KCNQ2: variants seen among roughly 807,000 people sequenced by gnomAD.
KCNQ2 encodes the protein potassium voltage-gated channel subfamily Q member 2.
In KCNQ2, 14 loss-of-function variants were observed where a neutral mutation model predicts 84.8. That is an observed-to-expected ratio of 0.17 (90% CI 0.11 to 0.26). The LOEUF is 0.26. KCNQ2 is among the 10% of genes least tolerant of loss of function. The probability of loss-of-function intolerance (pLI) is 1.00; values close to 1 mark genes in which losing one functional copy is unlikely to be tolerated. For synonymous variants in KCNQ2, 599 were observed against 554.1 expected (o/e 1.08, Z -1.14); for missense variants, 788 against 1,254.0 (o/e 0.63, Z 5.61).
At chr20:63,424,228 A>G (rs1374992026) in intron 10 of KCNQ2, 22 bp from the exon 11 acceptor site, 4 of 1,553,062 alleles carry the variant, frequency 2.6e-6, no homozygotes, top group Non-Finnish European at 3.5e-6. Flanking sequence ...AGCAACAGAG[A>G]GTTAGTGGCC....
At chr20:63,450,440 A>C (rs539587829) in intron 1 of KCNQ2, among the ~76,000 whole-genome samples, 1,141 of 100,584 alleles carry the variant, frequency 0.011, 9 homozygotes, top group Middle Eastern at 0.057. Context: ...CAGGTGTGGG[A>C]CGCTGTGGCT....
At position 63,404,957 on chromosome 20, in the gene KCNQ2, A is replaced by T. The variant is rs1011155343; in HGVS notation, c.*1687T>A. 14 of 152,290 alleles carry T rather than the reference A, an allele frequency of 9.2e-5. No homozygotes were observed. Among genetic ancestry groups the T allele is most frequent in the African/African-American group, 3.4e-4 (14 of 41,458 alleles). 9.4% of individuals were successfully genotyped at this position (152,290 alleles called of 1,614,324 possible). A position where few individuals can be genotyped will look rare whatever the true frequency, so the allele number is the denominator to read the frequency against. ...GGAGTGCCCTGGCCGGGCTGGGGGT[A>T]GGCAGAGAGGCCAGGGCAGCAGCTC... On this transcript the variant is annotated 3_prime_UTR_variant, in exon 17 of 17. Coordinates refer to ENST00000359125, the MANE Select transcript of KCNQ2 (RefSeq NM_172107.4).
At chr20:63,411,998 A>G (rs2080133945) in intron 15 of KCNQ2, 3 of 641,626 alleles carry the variant, frequency 4.7e-6, no homozygotes, top group Non-Finnish European at 5.7e-6. Context: ...CCGTCGAAAC[A>G]GGTGCTCTCC....
At chr20:63,433,471 C>T (rs2080891097) in intron 8 of KCNQ2, 3 of 534,206 alleles carry the variant, frequency 5.6e-6, no homozygotes, top group South Asian at 4.4e-5. Flanking sequence ...CAGAGCAGCC[C>T]GGGGAGCAGC....
intron 11 of KCNQ2, chr20:63,422,298 C>G (rs1448710122): frequency 6.5e-6 from 1 of 152,730 alleles, no homozygotes; most frequent in Non-Finnish European, 1.5e-5. Flanking sequence ...GCTGCGGCTG[C>G]CCCAGGCCAG....
chr20:63,451,407 GCAACACTGAC>G (rs1435845280), intron 1 of KCNQ2, among the ~76,000 whole-genome samples: 1 of 152,134 alleles, frequency 6.6e-6, no homozygotes, highest in African/African-American at 2.4e-5. Flanking sequence ...TATACGGTCT[GCAACACTGAC>G]CAACATGGAG....
In KCNQ2 at chr20:63,442,454, C is replaced by T. The variant is rs762617583; in HGVS notation, c.768G>A (p.Gly256=). Residue 256 remains glycine, a synonymous_variant, in exon 5 of 17, where the codon GGG becomes GGA. Coordinates refer to ENST00000359125, the MANE Select transcript of KCNQ2 (RefSeq NM_172107.4). ...CGTAGGTGTCAAAGTGGTCGTTCTC[C>T]CCCTTCTCTGCCAAGTACACCAGGA... ...ASFLVYLAEK[G]ENDHFDTYAD... 1.2e-6 allele frequency: 2 copies of T among 1,613,814 alleles called. No homozygotes were observed. The highest frequency in any genetic ancestry group is 2.2e-5 in the East Asian group (1 of 44,874).
At position 63,456,810 on chromosome 20, in the gene KCNQ2, G is replaced by A. The variant is rs560671440; in HGVS notation, c.297-9973C>T. ...TGCAGGGGGTCCTGGGGGGTCCCACGCAGCCTCCTTAGGCAGAAATTCCCT... is the reference window on the plus strand; with the variant it reads ...TGCAGGGGGTCCTGGGGGGTCCCACACAGCCTCCTTAGGCAGAAATTCCCT... On this transcript the variant is annotated intron_variant, in intron 1 of 16. Coordinates refer to ENST00000359125, the MANE Select transcript of KCNQ2 (RefSeq NM_172107.4). 6.6e-5 allele frequency among the ~76,000 whole-genome samples: 10 copies of A among 152,296 alleles called. No homozygotes were observed. The East Asian group carries it at 1.9e-3, about 29-fold the overall frequency.
At chr20:63,429,762 G>A (rs887308036) in intron 9 of KCNQ2, among the ~76,000 whole-genome samples, 3 of 152,150 alleles carry the variant, frequency 2.0e-5, no homozygotes. Context: ...CCTCCCTCCA[G>A]AGCTGTCCAG....
intron 15 of KCNQ2, among the ~76,000 whole-genome samples, chr20:63,410,427 C>T (rs1304850096): frequency 2.6e-5 from 4 of 152,186 alleles, no homozygotes; most frequent in Non-Finnish European, 5.9e-5. Flanking sequence ...CAACTGTCTC[C>T]CTGGCCCCCT....
intron 1 of KCNQ2, among the ~76,000 whole-genome samples, chr20:63,457,292 C>T (rs1294114823): frequency 2.0e-5 from 3 of 152,238 alleles, no homozygotes; most frequent in Non-Finnish European, 2.9e-5. Context: ...CACCCTCATT[C>T]GGAGCTTCCG....
rs200395340 is a variant in KCNQ2 at position 63,433,862 on chromosome 20, G to A, written c.1065C>T (p.Asp355=). The change falls in exon 8 of 17, where the codon GAC becomes GAT. Residue 355 remains aspartate (D), a synonymous_variant. Coordinates refer to ENST00000359125, the MANE Select transcript of KCNQ2 (RefSeq NM_172107.4). The part of the protein sequence containing the change: ...RFYATNLSRT[D]LHSTWQYYER... The stretch of plus-strand genomic sequence containing the variant: ...CGTAGTACTGCCACGTGGAGTGCAG[G>A]TCTGTGCGCGAGAGGTTGGTGGCGT... The A allele has an allele frequency of 6.8e-4, 1,100 of 1,613,944 alleles. 5 individuals carry two copies. The highest frequency in any genetic ancestry group is 2.7e-4 in the East Asian group (12 of 44,878).
At chr20:63,412,085 C>T (rs2080136686) in intron 15 of KCNQ2, 1 of 540,950 alleles carries the variant, frequency 1.8e-6, no homozygotes, top group Admixed American at 3.4e-5. Context: ...AAGCTTTTGA[C>T]TCGGGAGCGG....
In KCNQ2 at chr20:63,438,903, C is replaced by A. The variant is rs2145714632; in HGVS notation, c.928-183G>T. On this transcript the variant is annotated intron_variant, in intron 6 of 16. Transcript: ENST00000359125. This position sits in a 1 kb window ranked among gnomAD's most constrained non-coding sequence, Gnocchi z 5.1. ...ACGCCCCAGGGACTCACACACCCCC[C>A]AGTTCATCAGGGTCAGACCCGTCTC... Among the ~76,000 whole-genome samples, 1 of 151,886 alleles carries A rather than the reference C, an allele frequency of 6.6e-6. No individual in the cohort carries two copies. Among genetic ancestry groups the A allele is most frequent in the Admixed American group, 6.6e-5 (1 of 15,254 alleles).
chr20:63,401,960 CGG>C lies in KCNQ2; in HGVS notation c.*4682_*4683del, dbSNP rs1439365509. 9 of 182,524 alleles carry C rather than the reference CGG, an allele frequency of 4.9e-5. No homozygotes were observed. The highest frequency in any genetic ancestry group is 3.9e-4 in the East Asian group (2 of 5,176). 11.3% of individuals were successfully genotyped at this position (182,524 alleles called of 1,614,324 possible). On this transcript the variant is annotated 3_prime_UTR_variant, in exon 17 of 17. Transcript: ENST00000359125. Reference sequence around the variant, plus strand: ...TACCACGTCTGCTGGGCACCCTCCACGGCAGGTCCAAGCCTCATGAGCCATCT... The same window carrying C: ...TACCACGTCTGCTGGGCACCCTCCACCAGGTCCAAGCCTCATGAGCCATCT...
Position 63,408,656 on chromosome 20 carries a change from G to A in KCNQ2, c.1764-120C>T, listed in dbSNP as rs901930632. ...TAGGCTGCAGGCTCAGCCCAGAGCCGACCAGGGGGCAGTGGGTGCCAGGAC... is the reference window on the plus strand; with the variant it reads ...TAGGCTGCAGGCTCAGCCCAGAGCCAACCAGGGGGCAGTGGGTGCCAGGAC... On this transcript the variant is annotated intron_variant, in intron 15 of 16. Coordinates refer to ENST00000359125, the MANE Select transcript of KCNQ2 (RefSeq NM_172107.4). This position sits in a 1 kb window ranked among gnomAD's most constrained non-coding sequence, Gnocchi z 5.0. 2.5e-5 allele frequency: 37 copies of A among 1,458,472 alleles called. No individual in the cohort carries two copies. Among genetic ancestry groups the A allele is most frequent in the South Asian group, 2.3e-4 (19 of 82,082 alleles). The allele number at this position is 1,458,472 out of a possible 1,614,324, so 90.3% of individuals were successfully genotyped here.
intron 11 of KCNQ2, chr20:63,423,760 C>T: frequency 4.2e-6 from 1 of 237,560 alleles, no homozygotes; most frequent in Non-Finnish European, 8.3e-6. Flanking sequence ...AGCGGGAAGG[C>T]CAGAGGCCCA....
intron 8 of KCNQ2, among the ~76,000 whole-genome samples, chr20:63,431,774 C>G (rs1402121670): frequency 6.6e-6 from 1 of 152,200 alleles, no homozygotes; most frequent in African/African-American, 2.4e-5. Flanking sequence ...TCCACCCTGG[C>G]CAACTCAGGA....
chr20:63,445,098 A>G (rs1219559750), intron 3 of KCNQ2, 140 bp downstream of exon 3: 3 of 1,172,298 alleles, frequency 2.6e-6, no homozygotes, highest in Non-Finnish European at 3.7e-6. Flanking sequence ...CCAAGTCAGC[A>G]GGTGAAAAGA....
Sources: allele counts gnomAD v4.1 joint callset (sites outside exome capture counted in the v4.1 genomes callset), GRCh38; gene constraint gnomAD v4.1.1; non-coding constraint Gnocchi (gnomAD v3.1); transcripts MANE v1.5; gene names NCBI Gene and HGNC (gene_info 2026-07-23, HGNC 2026-07-21).